The following PRMT3 variants were observed in gnomAD, a reference collection of about 807,000 sequenced individuals.
PRMT3 encodes protein arginine methyltransferase 3, also known as protein arginine N-methyltransferase 3.
In PRMT3, 62 loss-of-function variants were observed where a neutral mutation model predicts 71.9. That is an observed-to-expected ratio of 0.86 (90% CI 0.70 to 1.07). The LOEUF (loss-of-function observed/expected upper bound fraction) is 1.07. Ranked by LOEUF, PRMT3 falls within the 50% of genes least tolerant of loss-of-function variation. The pLI is 0.00. For synonymous variants in PRMT3, 213 were observed against 220.4 expected (o/e 0.97, Z 0.30); for missense variants, 663 against 643.0 (o/e 1.03, Z -0.34).
At chr11:20,461,255 C>G (rs11025571) in intron 11 of PRMT3, among the ~76,000 whole-genome samples, 25,115 of 152,132 alleles carry the variant, frequency 0.17, 2,736 homozygotes, top group South Asian at 0.32. Context: ...TCCCAACTTA[C>G]TGGGCTTCAG....
At chr11:20,480,720 G>A (rs1850911087) in intron 13 of PRMT3, among the ~76,000 whole-genome samples, 1 of 152,166 alleles carries the variant, frequency 6.6e-6, no homozygotes, top group East Asian at 1.9e-4. Context: ...TTACCTAAGA[G>A]ATAAAATTGA....
intron 9 of PRMT3, among the ~76,000 whole-genome samples, chr11:20,416,030 T>G (rs1849297058): frequency 6.6e-6 from 1 of 152,174 alleles, no homozygotes; most frequent in Admixed American, 6.5e-5. Flanking sequence ...CTGTTGAGTA[T>G]CCTTAATGTT....
chr11:20,504,376 G>T (rs1314077344), intron 15 of PRMT3, among the ~76,000 whole-genome samples: 4 of 152,094 alleles, frequency 2.6e-5, no homozygotes, highest in African/African-American at 9.7e-5. Context: ...GTGCCTTTAA[G>T]ACAGTCTTTA....
At chr11:20,442,641 G>A (rs1365059757) in intron 10 of PRMT3, among the ~76,000 whole-genome samples, 2 of 151,902 alleles carry the variant, frequency 1.3e-5, no homozygotes, top group Non-Finnish European at 2.9e-5. Context: ...TTATGGCTGT[G>A]CACACATGCA....
chr11:20,402,959 A>G lies in PRMT3; in HGVS notation c.746A>G (p.Gln249Arg). ...RTESYRDFIYQNPHIFKDKVV... is the reference protein window; with the variant it reads ...RTESYRDFIYRNPHIFKDKVV... ...GAAAGCTACCGAGATTTCATATACC[A>G]AAATCCACATATCTTCAAAGACAAG... The change falls in exon 8 of 16, where the codon CAA (glutamine) becomes CGA (arginine). Residue 249 changes from glutamine (Q) to arginine (R), a missense_variant. Transcript: ENST00000331079. 1 of 1,606,564 alleles carries G rather than the reference A, an allele frequency of 6.2e-7. No individual in the cohort carries two copies. Among genetic ancestry groups the G allele is most frequent in the Non-Finnish European group, 8.5e-7 (1 of 1,173,318 alleles).
chr11:20,457,290 C>G (rs569527723), intron 11 of PRMT3, among the ~76,000 whole-genome samples: 13 of 152,186 alleles, frequency 8.5e-5, no homozygotes, highest in South Asian at 6.2e-4. Flanking sequence ...TACCGTTTAC[C>G]TTAGGAACCT....
intron 11 of PRMT3, among the ~76,000 whole-genome samples, chr11:20,459,832 G>A (rs1172511825): frequency 2.6e-5 from 4 of 152,158 alleles, no homozygotes; most frequent in Non-Finnish European, 5.9e-5. Flanking sequence ...CTCTTACTGA[G>A]TTAACATTTT....
intron 13 of PRMT3, among the ~76,000 whole-genome samples, chr11:20,475,930 C>T (rs1219188375): frequency 6.6e-6 from 1 of 151,886 alleles, no homozygotes; most frequent in Non-Finnish European, 1.5e-5. Context: ...CCCACCTCAG[C>T]CTCCCAAAGT....
intron 14 of PRMT3, 28 bp downstream of exon 14, chr11:20,493,997 A>G (rs368617095): frequency 5.9e-5 from 89 of 1,519,428 alleles, no homozygotes; most frequent in Non-Finnish European, 7.8e-5. Context: ...TCTCATAAGA[A>G]TTAATTATTA....
At chr11:20,423,415 T>C (rs1849469418) in intron 9 of PRMT3, among the ~76,000 whole-genome samples, 2 of 152,304 alleles carry the variant, frequency 1.3e-5, no homozygotes, top group Admixed American at 1.3e-4. Flanking sequence ...GCTACCTGTT[T>C]TTGTAAGTAA....
chr11:20,439,297 C>T (rs991467880), intron 10 of PRMT3, among the ~76,000 whole-genome samples: 9 of 140,056 alleles, frequency 6.4e-5, no homozygotes, highest in African/African-American at 2.5e-4. Flanking sequence ...TCTTGCTTAC[C>T]TCCTTGCCAT....
chr11:20,484,837 CA>C (rs1274643848), intron 13 of PRMT3, among the ~76,000 whole-genome samples: 2 of 151,412 alleles, frequency 1.3e-5, no homozygotes, highest in African/African-American at 2.4e-5. Context: ...CTACAAATGC[CA>C]AAAAAAAGTT....
intron 9 of PRMT3, among the ~76,000 whole-genome samples, chr11:20,412,152 G>T (rs1356686439): frequency 2.0e-5 from 3 of 152,060 alleles, no homozygotes; most frequent in Non-Finnish European, 4.4e-5. Flanking sequence ...TTTCTTTTCA[G>T]ATGGAAACTA....
intron 10 of PRMT3, among the ~76,000 whole-genome samples, chr11:20,450,256 T>G (rs577832533): frequency 1.3e-5 from 2 of 152,180 alleles, no homozygotes; most frequent in South Asian, 4.1e-4. Context: ...ATAGGGACCA[T>G]TTTTTTCACC....
intron 13 of PRMT3, among the ~76,000 whole-genome samples, chr11:20,478,764 TAAG>T (rs1485172558): frequency 6.6e-6 from 1 of 152,204 alleles, no homozygotes; most frequent in Non-Finnish European, 1.5e-5. Context: ...TCTAATGGCT[TAAG>T]AAAAAACTTC....
chr11:20,397,769 G>C, intron 7 of PRMT3, 48 bp downstream of exon 7: 2 of 1,591,240 alleles, frequency 1.3e-6, no homozygotes, highest in Non-Finnish European at 1.7e-6. Context: ...AGGAAAAATA[G>C]AACAGGTTCT....
chr11:20,432,764 A>G (rs1045709411), intron 10 of PRMT3, among the ~76,000 whole-genome samples: 1 of 152,210 alleles, frequency 6.6e-6, no homozygotes, highest in Non-Finnish European at 1.5e-5. Context: ...GCATGAAATA[A>G]TATCACATTA....
chr11:20,418,629 A>G (rs1849361155), intron 9 of PRMT3, among the ~76,000 whole-genome samples: 1 of 152,196 alleles, frequency 6.6e-6, no homozygotes, highest in South Asian at 2.1e-4. Flanking sequence ...CAATGGGAAC[A>G]TTTTTCTCTT....
At chr11:20,487,337 G>A (rs2133443930) in intron 13 of PRMT3, among the ~76,000 whole-genome samples, 1 of 152,290 alleles carries the variant, frequency 6.6e-6, no homozygotes, top group South Asian at 2.1e-4. Context: ...CCTGTCAGCA[G>A]TAGACTAAAT....
Sources: gnomAD v4.1 joint callset for allele counts (sites outside exome capture counted in the v4.1 genomes callset) on GRCh38, gnomAD v4.1.1 for gene constraint, MANE v1.5 for transcripts, NCBI Gene and HGNC (gene_info 2026-07-23, HGNC 2026-07-21) for gene names.